The following ANKRD42 variants were observed in gnomAD, a reference collection of about 807,000 sequenced individuals.
The protein encoded by ANKRD42 is ankyrin repeat domain-containing protein 42.
Under a neutral mutation model 51.5 loss-of-function variants are expected in ANKRD42, and 43 were observed. The ratio of observed to expected loss-of-function variants is 0.83; its 90% CI spans 0.65 to 1.08. The LOEUF (loss-of-function observed/expected upper bound fraction) is 1.08, where lower values mean the gene tolerates loss of function less well. Ranked by LOEUF, ANKRD42 falls within the 50% of genes least tolerant of loss-of-function variation. ANKRD42 has a pLI of 0.00. For synonymous variants in ANKRD42, 203 were observed against 213.0 expected (o/e 0.95, Z 0.41); for missense variants, 608 against 629.3 (o/e 0.97, Z 0.36).
In ANKRD42 at chr11:83,198,508, A is replaced by G. The variant is rs779177252; in HGVS notation, c.88A>G (p.Ile30Val). 1.2e-6 allele frequency: 2 copies of G among 1,613,750 alleles called. No individual in the cohort carries two copies. Among genetic ancestry groups the G allele is most frequent in the South Asian group, 1.1e-5 (1 of 91,032 alleles). Reference sequence around the variant, plus strand: ...CAGGAAGAAGGTGCATTTTGGCAGCATACATGATGCAGTACGAGCTGGAGA... The same window carrying G: ...CAGGAAGAAGGTGCATTTTGGCAGCGTACATGATGCAGTACGAGCTGGAGA... ...CSRKKVHFGS[I>V]HDAVRAGDVK... Residue 30 changes from isoleucine to valine, a missense_variant, in exon 2 of 11, where the codon ATA becomes GTA. Physicochemically the swap from Ile to Val is conservative, Grantham distance 29. Coordinates refer to ENST00000533342, the MANE Select transcript of ANKRD42 (RefSeq NM_001300975.2).
chr11:83,210,454 A>G lies in ANKRD42; in HGVS notation c.450+35A>G, dbSNP rs527279685. The G allele has an allele frequency of 3.7e-6, 6 of 1,608,870 alleles. No individual in the cohort carries two copies. The African/African-American group carries it at 5.3e-5, about 14-fold the overall frequency. On this transcript the variant is annotated intron_variant, in intron 4 of 10. Transcript: ENST00000533342. ...TCCTGTTAATATGTGCTAATGTGTG[A>G]TAATATAGATGGAATAGCATTTGGT...
intron 1 of ANKRD42, among the ~76,000 whole-genome samples, chr11:83,196,224 T>G (rs1861647555): frequency 6.6e-6 from 1 of 152,244 alleles, no homozygotes; most frequent in African/African-American, 2.4e-5. Flanking sequence ...AAACTCAGCC[T>G]TACAGCTCTC....
intron 4 of ANKRD42, 70 bp from the exon 5 acceptor site, chr11:83,211,225 T>C (rs890524528): frequency 2.5e-6 from 4 of 1,585,328 alleles, no homozygotes; most frequent in Admixed American, 1.7e-5. Flanking sequence ...TTTACAGAAT[T>C]AAGCTGCTAG....
chr11:83,226,175 C>A (rs867065903), intron 6 of ANKRD42, among the ~76,000 whole-genome samples: 2 of 151,666 alleles, frequency 1.3e-5, no homozygotes, highest in Non-Finnish European at 2.9e-5. Context: ...GTATGGAGGG[C>A]CAGCTGTACA....
intron 7 of ANKRD42, among the ~76,000 whole-genome samples, chr11:83,234,272 T>A (rs1863163552): frequency 6.6e-6 from 1 of 152,354 alleles, no homozygotes; most frequent in Middle Eastern, 3.4e-3. Context: ...ATTTAATTCA[T>A]GTTTCTCACA....
chr11:83,203,461 T>C (rs1861949391), intron 2 of ANKRD42, among the ~76,000 whole-genome samples: 1 of 151,538 alleles, frequency 6.6e-6, no homozygotes, highest in Non-Finnish European at 1.5e-5. Context: ...TGGCACCGTC[T>C]TGGTTGACTG....
At chr11:83,226,843 A>G (rs1193032690) in intron 6 of ANKRD42, among the ~76,000 whole-genome samples, 2 of 152,184 alleles carry the variant, frequency 1.3e-5, no homozygotes, top group Non-Finnish European at 2.9e-5. Context: ...AACTATTTAC[A>G]TAGCATTTCT....
Position 83,236,371 on chromosome 11 carries a change from G to A in ANKRD42, c.914-33G>A, listed in dbSNP as rs113733054. On this transcript the variant is annotated intron_variant, in intron 7 of 10. Transcript: ENST00000533342. ...TTACTAATAACTAACTTTTTTGTGTGTAATTCCTGTTCTTTTTCCTTTTTT... is the reference window on the plus strand; with the variant it reads ...TTACTAATAACTAACTTTTTTGTGTATAATTCCTGTTCTTTTTCCTTTTTT... 6.0e-4 allele frequency: 938 copies of A among 1,555,952 alleles called. 8 individuals carry two copies. The African/African-American group carries it at 0.01, about 17-fold the overall frequency.
chr11:83,223,049 GA>G (rs1036005160), intron 5 of ANKRD42, among the ~76,000 whole-genome samples: 2 of 152,146 alleles, frequency 1.3e-5, no homozygotes, highest in Non-Finnish European at 2.9e-5. Flanking sequence ...CCAGGAGTTT[GA>G]GACCAGCCTG....
At chr11:83,242,356 G>C (rs1863411135) in intron 9 of ANKRD42, among the ~76,000 whole-genome samples, 2 of 152,128 alleles carry the variant, frequency 1.3e-5, no homozygotes, top group African/African-American at 2.4e-5. Context: ...AAATCAGTTA[G>C]GGGGCTATCG....
At chr11:83,238,743 T>A (rs914783918) in intron 8 of ANKRD42, among the ~76,000 whole-genome samples, 19 of 152,114 alleles carry the variant, frequency 1.2e-4, no homozygotes, top group African/African-American at 4.6e-4. Context: ...GGCAGGAGAA[T>A]TCCTTGAACC....
downstream of ANKRD42, among the ~76,000 whole-genome samples, chr11:83,251,023 A>G (rs1053398358): frequency 9.2e-5 from 14 of 152,174 alleles, no homozygotes; most frequent in African/African-American, 3.4e-4. Context: ...CCTTACCTGA[A>G]TAAGTACTGA....
rs773406796 is a variant in ANKRD42, at chr11:83,194,448, C to A, written c.-223C>A. Reference sequence around the variant, plus strand: ...CCTCTGGTGTGAGCGGCAGTGAAGACGCCAGCTACCGCTTCAGTGGCTTTT... The same window carrying A: ...CCTCTGGTGTGAGCGGCAGTGAAGAAGCCAGCTACCGCTTCAGTGGCTTTT... On this transcript the variant is annotated 5_prime_UTR_variant, in exon 1 of 11. Transcript: ENST00000533342. The A allele has an allele frequency of 2.3e-5, 16 of 696,284 alleles. No homozygotes were observed. The highest frequency in any genetic ancestry group is 2.3e-4 in the Middle Eastern group (1 of 4,346). 43.1% of individuals were successfully genotyped at this position (696,284 alleles called of 1,614,324 possible).
chr11:83,247,953 G>A lies in ANKRD42; in HGVS notation c.1333G>A (p.Glu445Lys), dbSNP rs1372718513. 1 of 1,606,866 alleles carries A rather than the reference G, an allele frequency of 6.2e-7. No homozygotes were observed. Among genetic ancestry groups the A allele is most frequent in the African/African-American group, 1.3e-5 (1 of 74,322 alleles). Residue 445 changes from glutamate to lysine, a missense_variant, in exon 11 of 11, where the codon GAA becomes AAA. By Grantham distance (56) the Glu-to-Lys change is moderately conservative. Coordinates refer to ENST00000533342, the MANE Select transcript of ANKRD42 (RefSeq NM_001300975.2). ...EQLESEKTIK[E>K]LQGQLEYERL... ...TTTTGTTTTTGATAGGACCATCAAA[G>A]AACTGCAGGGCCAGCTGGAGTATGA...
chr11:83,226,220 C>T (rs1862879234), intron 6 of ANKRD42, among the ~76,000 whole-genome samples: 1 of 152,002 alleles, frequency 6.6e-6, no homozygotes, highest in Non-Finnish European at 1.5e-5. Flanking sequence ...TACACACACA[C>T]ACACACATAC....
At chr11:83,213,896 AT>A (rs879426470) in intron 5 of ANKRD42, 218 of 146,492 alleles carry the variant, frequency 1.5e-3, no homozygotes, top group Non-Finnish European at 1.9e-3. Context: ...GGTTTTAATT[AT>A]TTTTTTTTTT....
downstream of ANKRD42, chr11:83,261,046 A>G (rs1863904393): frequency 6.6e-6 from 1 of 152,146 alleles, no homozygotes; most frequent in Admixed American, 6.5e-5. Context: ...ATATTTAGCA[A>G]CTCTACAGAT....
Position 83,212,727 on chromosome 11 carries a change from T to C in ANKRD42, c.586+1297T>C, listed in dbSNP as rs557537650. ...GGACTTACATAATTTGGCACCTACC[T>C]ACCTGCATGGCCTCATCTTTCTATA... On this transcript the variant is annotated intron_variant, in intron 5 of 10. Transcript: ENST00000533342. 3.3e-6 allele frequency: 5 copies of C among 1,536,084 alleles called. No homozygotes were observed. The East Asian group carries it at 9.8e-5, about 30-fold the overall frequency.
chr11:83,235,210 G>C (rs1863189829), intron 7 of ANKRD42, among the ~76,000 whole-genome samples: 1 of 152,158 alleles, frequency 6.6e-6, no homozygotes, highest in Non-Finnish European at 1.5e-5. Context: ...AAATAATTAG[G>C]TTCTTAAAAT....
Sources: gnomAD v4.1 joint callset for allele counts (sites outside exome capture counted in the v4.1 genomes callset) on GRCh38, gnomAD v4.1.1 for gene constraint, MANE v1.5 for transcripts, NCBI Gene and HGNC (gene_info 2026-07-23, HGNC 2026-07-21) for gene names.